C19orf47: variants seen among roughly 807,000 people sequenced by gnomAD.
C19orf47 encodes chromosome 19 open reading frame 47, also known as uncharacterized protein C19orf47.
C19orf47 carries 18 observed loss-of-function variants against 32.3 expected under a neutral mutation model. That is an observed-to-expected ratio of 0.56 (90% CI 0.39 to 0.83). The LOEUF (loss-of-function observed/expected upper bound fraction) is 0.83. C19orf47 is among the 40% of genes least tolerant of loss of function. The pLI is 0.00. For missense variants in C19orf47, 484 were observed against 531.6 expected, an observed-to-expected ratio of 0.91 and a Z score of 0.88; for synonymous variants, 202 against 211.1, an observed-to-expected ratio of 0.96 and a Z score of 0.37.
chr19:40,347,252 G>A (rs530780305), intron 1 of C19orf47, among the ~76,000 whole-genome samples: 30 of 152,044 alleles, frequency 2.0e-4, no homozygotes, highest in Non-Finnish European at 4.0e-4. Context: ...GCAATGCGCC[G>A]GGCACGGTGG....
chr19:40,309,193 C>CTTTTT, the C19orf47 span, among the ~76,000 whole-genome samples: 1 of 141,736 alleles, frequency 7.1e-6, no homozygotes, highest in Non-Finnish European at 1.5e-5. Context: ...TTCTCTCTCT[C>CTTTTT]TTTTTTTTTT....
At chr19:40,315,665 A>G (rs1161540417), downstream of C19orf47, among the ~76,000 whole-genome samples, 2 of 152,094 alleles carry the variant, frequency 1.3e-5, no homozygotes, top group Non-Finnish European at 2.9e-5. Flanking sequence ...CTGTAATCCC[A>G]GCCACTCAGG....
In C19orf47 at chr19:40,324,423, TC is replaced by T. The variant is rs1454777199; in HGVS notation, c.593-348del. Reference sequence around the variant, plus strand: ...GAATCTGATGAGTGGTAGTGCATCCTCCCCTAAATTATAACCTAATAGCCAT... The same window carrying T: ...GAATCTGATGAGTGGTAGTGCATCCTCCCTAAATTATAACCTAATAGCCAT... On this transcript the variant is annotated intron_variant, in intron 7 of 8. Coordinates refer to ENST00000683109, the MANE Select transcript of C19orf47 (RefSeq NM_001256441.2). The T allele has an allele frequency of 2.5e-5, 8 of 321,760 alleles. No homozygotes were observed. The Admixed American group carries it at 3.4e-4, about 14-fold the overall frequency. The allele number at this position is 321,760 out of a possible 1,614,324, so 19.9% of individuals were successfully genotyped here.
At chr19:40,344,253 TG>T (rs999051713) in intron 1 of C19orf47, among the ~76,000 whole-genome samples, 4 of 150,676 alleles carry the variant, frequency 2.7e-5, no homozygotes, top group Non-Finnish European at 5.9e-5. Flanking sequence ...TCGAGGCAGG[TG>T]GATCACCTGA....
At chr19:40,327,880 G>A (rs2145544663) in intron 6 of C19orf47, among the ~76,000 whole-genome samples, 1 of 152,348 alleles carries the variant, frequency 6.6e-6, no homozygotes, top group Non-Finnish European at 1.5e-5. Flanking sequence ...GGCGATGCAA[G>A]AGATGAATCT....
At chr19:40,325,154 C>T (rs930522208) in intron 7 of C19orf47, among the ~76,000 whole-genome samples, 11 of 151,322 alleles carry the variant, frequency 7.3e-5, no homozygotes, top group African/African-American at 2.4e-4. Context: ...CCTGTAATCC[C>T]AGATGCTTGG....
At chr19:40,304,886 G>T in the C19orf47 span, among the ~76,000 whole-genome samples, 5 of 152,144 alleles carry the variant, frequency 3.3e-5, no homozygotes, top group Non-Finnish European at 7.3e-5. Context: ...GATTAGGAAG[G>T]TTAAAGCTCT....
At chr19:40,311,418 TGTA>T in the C19orf47 span, among the ~76,000 whole-genome samples, 1 of 150,566 alleles carries the variant, frequency 6.6e-6, no homozygotes, top group East Asian at 2.0e-4. Flanking sequence ...GGCACGCACC[TGTA>T]GTCCCAGATA....
downstream of C19orf47, among the ~76,000 whole-genome samples, chr19:40,317,671 G>C (rs1344286786): frequency 6.8e-6 from 1 of 147,674 alleles, no homozygotes; most frequent in Non-Finnish European, 1.5e-5. Context: ...AATAAGGTTG[G>C]TGCGGACATC....
intron 2 of C19orf47, among the ~76,000 whole-genome samples, chr19:40,338,170 G>A (rs1163952760): frequency 6.7e-6 from 1 of 150,362 alleles, no homozygotes; most frequent in African/African-American, 2.5e-5. Context: ...AACCTCCTGG[G>A]CTCAAGCGAT....
chr19:40,307,787 G>T, the C19orf47 span, among the ~76,000 whole-genome samples: 1 of 150,346 alleles, frequency 6.7e-6, no homozygotes, highest in Non-Finnish European at 1.5e-5. Context: ...TCTCATCTTG[G>T]TTTTTTTGGT....
chr19:40,348,386 C>T lies in C19orf47; in HGVS notation c.-96G>A. 6.9e-7 allele frequency: 1 copy of T among 1,454,162 alleles called. No homozygotes were observed. Among genetic ancestry groups the T allele is most frequent in the Non-Finnish European group, 9.0e-7 (1 of 1,105,926 alleles). The allele number at this position is 1,454,162 out of a possible 1,614,324, so 90.1% of individuals were successfully genotyped here. A position where few individuals can be genotyped will look rare whatever the true frequency, so the allele number is the denominator to read the frequency against. On this transcript the variant is annotated 5_prime_UTR_variant, in exon 1 of 9. Coordinates refer to ENST00000683109, the MANE Select transcript of C19orf47 (RefSeq NM_001256441.2). ...CCTCCCTCCCGGCGGCGCCAACTGT[C>T]AGACACTCCTCCCCCGGCCCGGGCT...
chr19:40,329,926 C>A (rs6508936), intron 5 of C19orf47, among the ~76,000 whole-genome samples: 106,368 of 152,114 alleles, frequency 0.7, 37,213 homozygotes, highest in South Asian at 0.77. Context: ...AGAGGGAAAT[C>A]TGCAGCTGAA....
At chr19:40,323,075 A>T (rs1406490710) in intron 8 of C19orf47, among the ~76,000 whole-genome samples, 4 of 152,204 alleles carry the variant, frequency 2.6e-5, no homozygotes, top group South Asian at 2.1e-4. Context: ...GTATAATCCT[A>T]TGTATTGAGC....
the C19orf47 span, among the ~76,000 whole-genome samples, chr19:40,305,587 G>A: frequency 5.3e-5 from 8 of 152,066 alleles, no homozygotes; most frequent in East Asian, 1.9e-4. Flanking sequence ...AGCAATTTGC[G>A]GGACCATTAT....
At chr19:40,305,719 T>A in the C19orf47 span, among the ~76,000 whole-genome samples, 1 of 152,190 alleles carries the variant, frequency 6.6e-6, no homozygotes, top group Non-Finnish European at 1.5e-5. Flanking sequence ...TGAATTGGAT[T>A]CCAAGCCAGG....
chr19:40,301,328 T>TATTTATTTA, the C19orf47 span, among the ~76,000 whole-genome samples: 2 of 148,680 alleles, frequency 1.3e-5, no homozygotes, highest in Non-Finnish European at 3.0e-5. Context: ...TTTATTTATT[T>TATTTATTTA]ATTTATTTAT....
intron 2 of C19orf47, among the ~76,000 whole-genome samples, chr19:40,340,698 G>A (rs544353988): frequency 2.0e-5 from 3 of 151,286 alleles, no homozygotes; most frequent in Admixed American, 2.0e-4. Context: ...AGGAATACAG[G>A]CCAGGCGCAG....
chr19:40,304,751 A>G, the C19orf47 span, among the ~76,000 whole-genome samples: 1 of 152,214 alleles, frequency 6.6e-6, no homozygotes, highest in East Asian at 1.9e-4. Flanking sequence ...GCCTTATGTC[A>G]ATTTAATATG....
Sources: allele counts gnomAD v4.1 joint callset (sites outside exome capture counted in the v4.1 genomes callset), GRCh38; gene constraint gnomAD v4.1.1; transcripts MANE v1.5; gene names NCBI Gene and HGNC (gene_info 2026-07-23, HGNC 2026-07-21).